Variants in STAU2 observed in about 807,000 individuals in gnomAD.
STAU2 encodes the protein staufen double-stranded RNA binding protein 2.
Under a neutral mutation model 65.9 loss-of-function variants are expected in STAU2, and 20 were observed. That is an observed-to-expected ratio of 0.30 (90% CI 0.21 to 0.44). The LOEUF (loss-of-function observed/expected upper bound fraction) is 0.44, where lower values mean the gene tolerates loss of function less well. Ranked by LOEUF, STAU2 falls within the 20% of genes least tolerant of loss-of-function variation. The probability of loss-of-function intolerance (pLI) is 1.00; values close to 1 mark genes in which losing one functional copy is unlikely to be tolerated. For missense variants in STAU2, 558 were observed against 683.9 expected (o/e 0.82, Z 2.05); for synonymous variants, 232 against 233.9 (o/e 0.99, Z 0.07).
chr8:73,516,562 T>C (rs890836257), intron 13 of STAU2, among the ~76,000 whole-genome samples: 7 of 152,014 alleles, frequency 4.6e-5, no homozygotes, highest in Admixed American at 2.0e-4. Flanking sequence ...GTAGGCCAAA[T>C]AACTATTAGC....
intron 9 of STAU2, among the ~76,000 whole-genome samples, chr8:73,604,531 A>G (rs2891352): frequency 0.56 from 84,842 of 151,960 alleles, 26,563 homozygotes; most frequent in East Asian, 0.74. Flanking sequence ...GCACCCGGCC[A>G]CAACACACAT....
At chr8:73,678,462 A>G (rs138296170) in intron 5 of STAU2, among the ~76,000 whole-genome samples, 28 of 152,226 alleles carry the variant, frequency 1.8e-4, no homozygotes, top group Admixed American at 1.6e-3. Context: ...CCTCTCATCT[A>G]TAACTGCCTA....
intron 9 of STAU2, among the ~76,000 whole-genome samples, chr8:73,607,076 T>C (rs1183012262): frequency 1.3e-5 from 2 of 152,164 alleles, no homozygotes; most frequent in Non-Finnish European, 2.9e-5. Context: ...GTGGTTATAG[T>C]TTTACACATG....
chr8:73,609,514 C>T (rs181497892), intron 9 of STAU2, among the ~76,000 whole-genome samples: 1 of 152,016 alleles, frequency 6.6e-6, no homozygotes, highest in Non-Finnish European at 1.5e-5. Flanking sequence ...ATTAGCTGAG[C>T]ATGGTGGTGT....
At chr8:73,609,166 G>A (rs371075521) in intron 9 of STAU2, among the ~76,000 whole-genome samples, 79 of 152,002 alleles carry the variant, frequency 5.2e-4, no homozygotes, top group African/African-American at 1.7e-3. Flanking sequence ...CAGAGCATAC[G>A]GTATTCAGGA....
intron 5 of STAU2, among the ~76,000 whole-genome samples, chr8:73,687,076 A>C (rs28478896): frequency 0.071 from 10,441 of 147,056 alleles, 407 homozygotes; most frequent in Middle Eastern, 0.14. Context: ...TATTTTTAGT[A>C]GAGACGGGGT....
chr8:73,470,290 C>A (rs1259724886), intron 13 of STAU2, among the ~76,000 whole-genome samples: 1 of 152,046 alleles, frequency 6.6e-6, no homozygotes, highest in Non-Finnish European at 1.5e-5. Context: ...GGAAAAAGAT[C>A]CCCAGTTTTG....
At chr8:73,550,616 C>CT (rs1242882632) in intron 13 of STAU2, 2 of 978,702 alleles carry the variant, frequency 2.0e-6, no homozygotes, top group Non-Finnish European at 2.4e-6. Context: ...AATTACTTAG[C>CT]TTTTTTCCAG....
intron 12 of STAU2, among the ~76,000 whole-genome samples, chr8:73,576,602 T>C (rs1809578278): frequency 6.6e-6 from 1 of 152,172 alleles, no homozygotes; most frequent in Non-Finnish European, 1.5e-5. Context: ...TGTCTAGTTC[T>C]TAAATTGGGC....
At position 73,538,426 on chromosome 8, in the gene STAU2, G is replaced by A. The variant is rs377443700; in HGVS notation, c.1530+13586C>T. 6.2e-4 allele frequency among the ~76,000 whole-genome samples: 95 copies of A among 152,134 alleles called. No homozygotes were observed. In the South Asian group the frequency reaches 0.018, roughly 29 times the overall value. On this transcript the variant is annotated intron_variant, in intron 13 of 14. Coordinates refer to ENST00000524300, the MANE Select transcript of STAU2 (RefSeq NM_001164380.2). ...TATTAAGAATAGATAATAAACTTAA[G>A]TGTTTCTTTGCATGCCAGAATTTTA...
intron 3 of STAU2, among the ~76,000 whole-genome samples, chr8:73,737,354 A>G (rs1806506848): frequency 6.6e-6 from 1 of 151,370 alleles, no homozygotes; most frequent in Non-Finnish European, 1.5e-5. Flanking sequence ...ATTTTTTAGT[A>G]GAGACGGGGT....
chr8:73,511,718 T>C (rs892335009), intron 13 of STAU2: 7 of 152,286 alleles, frequency 4.6e-5, no homozygotes, highest in Admixed American at 2.6e-4. Context: ...CAATTTTCAT[T>C]TTCTTAATAA....
chr8:73,600,509 C>T (rs944175339), intron 10 of STAU2, among the ~76,000 whole-genome samples: 2 of 152,132 alleles, frequency 1.3e-5, no homozygotes, highest in Non-Finnish European at 2.9e-5. Context: ...CATGGCAGGC[C>T]CTATGGATAA....
intron 10 of STAU2, among the ~76,000 whole-genome samples, 180 bp from the exon 11 acceptor site, chr8:73,595,477 C>T (rs1811114020): frequency 6.6e-6 from 1 of 151,878 alleles, no homozygotes; most frequent in Non-Finnish European, 1.5e-5. Context: ...AAAAAATGGT[C>T]CTTAAAGTAT....
chr8:73,523,221 AAAAGTC>A (rs1823150096), intron 13 of STAU2, among the ~76,000 whole-genome samples: 1 of 148,240 alleles, frequency 6.7e-6, no homozygotes, highest in Non-Finnish European at 1.5e-5. Context: ...AAAAAAAAAG[AAAAGTC>A]TGAAGCAGGC....
intron 3 of STAU2, among the ~76,000 whole-genome samples, chr8:73,737,565 C>CTTT (rs538636180): frequency 2.8e-5 from 4 of 141,600 alleles, no homozygotes; most frequent in East Asian, 4.1e-4. Flanking sequence ...TGTTTCTTTC[C>CTTT]TTTTTTTTTT....
intron 6 of STAU2, among the ~76,000 whole-genome samples, chr8:73,636,863 A>C (rs941437934): frequency 1.6e-5 from 2 of 125,252 alleles, no homozygotes; most frequent in African/African-American, 5.3e-5. Context: ...CTCTGTATTC[A>C]AAAAAAAAAA....
chr8:73,491,595 T>A (rs1821158511), intron 13 of STAU2, among the ~76,000 whole-genome samples: 1 of 151,942 alleles, frequency 6.6e-6, no homozygotes, highest in African/African-American at 2.4e-5. Flanking sequence ...GTACTTTTGC[T>A]TTTTTTAACT....
chr8:73,465,234 T>G (rs1345722618), intron 13 of STAU2, among the ~76,000 whole-genome samples: 3 of 152,210 alleles, frequency 2.0e-5, no homozygotes, highest in Non-Finnish European at 4.4e-5. Context: ...GGGTGTCCTC[T>G]TCAGTGCTCA....
Sources: allele counts gnomAD v4.1 joint callset (sites outside exome capture counted in the v4.1 genomes callset), GRCh38; gene constraint gnomAD v4.1.1; transcripts MANE v1.5; gene names NCBI Gene and HGNC (gene_info 2026-07-23, HGNC 2026-07-21).